Variants in SMPX observed in about 807,000 individuals in gnomAD.
The protein encoded by SMPX is small muscular protein.
SMPX carries 2 observed loss-of-function variants against 6.3 expected under a neutral mutation model. That is an observed-to-expected ratio of 0.32 (90% CI 0.13 to 0.99). SMPX has a LOEUF of 0.99. Ranked by LOEUF, SMPX falls within the 50% of genes least tolerant of loss-of-function variation. The pLI is 0.49. For missense variants in SMPX, 60 were observed against 66.8 expected (o/e 0.90, Z 0.36); for synonymous variants, 32 against 24.7 (o/e 1.30, Z -0.88).
chrX:21,743,684 C>A, intron 3 of SMPX, 66 bp downstream of exon 3: 2 of 957,950 alleles, frequency 2.1e-6, no homozygotes, highest in Non-Finnish European at 1.5e-6. Context: ...CTAGCCTCTG[C>A]CCCCTCTGGT....
chrX:21,718,901 A>G (rs1321229811), intron 4 of SMPX, among the ~76,000 whole-genome samples: 2 of 112,212 alleles, frequency 1.8e-5, no homozygotes, highest in East Asian at 5.6e-4. Flanking sequence ...GCGAATATAC[A>G]AGAGGTTGCT....
chrX:21,743,668 C>A, intron 3 of SMPX, 82 bp downstream of exon 3: 1 of 803,860 alleles, frequency 1.2e-6, no homozygotes. Flanking sequence ...GATAGCCAGC[C>A]CTTGCCTAGC....
intron 4 of SMPX, among the ~76,000 whole-genome samples, chrX:21,712,299 G>A (rs2092779653): frequency 8.9e-6 from 1 of 111,884 alleles, no homozygotes; most frequent in African/African-American, 3.3e-5. Flanking sequence ...ATATAAAAAC[G>A]GAAGAAGAGG....
intron 4 of SMPX, among the ~76,000 whole-genome samples, chrX:21,707,927 A>G (rs1293061598): frequency 8.9e-6 from 1 of 112,520 alleles, no homozygotes; most frequent in African/African-American, 3.2e-5. Flanking sequence ...GCCAAAACAC[A>G]TGAGTTAGAA....
At chrX:21,710,208 T>A (rs1035082144) in intron 4 of SMPX, among the ~76,000 whole-genome samples, 1 of 112,201 alleles carries the variant, frequency 8.9e-6, no homozygotes, top group Non-Finnish European at 1.9e-5. Flanking sequence ...ATATACCCCA[T>A]GAAATACTAC....
chrX:21,757,259 G>A (rs1259405794), intron 1 of SMPX, among the ~76,000 whole-genome samples: 1 of 111,658 alleles, frequency 9.0e-6, no homozygotes, highest in Non-Finnish European at 1.9e-5. Flanking sequence ...ATGTTCAGCT[G>A]TCTGAACTGA....
chrX:21,755,756 T>C (rs1025590117), intron 1 of SMPX, among the ~76,000 whole-genome samples: 4 of 112,375 alleles, frequency 3.6e-5, no homozygotes, highest in African/African-American at 9.7e-5. Context: ...AAATATATAG[T>C]TTTTGGAGCC....
chrX:21,727,385 T>C (rs1016180687), intron 4 of SMPX: 5 of 112,045 alleles, frequency 4.5e-5, no homozygotes, highest in African/African-American at 9.7e-5. Flanking sequence ...ATTCTTATCA[T>C]CTGTATCCAA....
chrX:21,743,925 C>A lies in SMPX; in HGVS notation c.46-89G>T, dbSNP rs113604109. On this transcript the variant is annotated intron_variant, in intron 2 of 4. Transcript: ENST00000379494. ...ACAGTAATCGTTGTGAAGAAAAATG[C>A]GTCTGAAAAGTACATCTTCAAAGCT... The A allele has an allele frequency of 4.6e-5, 32 of 697,267 alleles. No homozygotes were observed. The Middle Eastern group carries it at 9.0e-4, about 20-fold the overall frequency. The allele number at this position is 697,267 out of a possible 1,213,427, so 57.5% of individuals were successfully genotyped here.
chrX:21,746,138 C>T (rs2092821150), intron 2 of SMPX, among the ~76,000 whole-genome samples: 1 of 111,761 alleles, frequency 8.9e-6, no homozygotes, highest in Non-Finnish European at 1.9e-5. Context: ...GTTTTCAAAC[C>T]TCTTAACCAG....
chrX:21,722,676 A>T (rs1188762409), intron 4 of SMPX, among the ~76,000 whole-genome samples: 1 of 111,361 alleles, frequency 9.0e-6, no homozygotes, highest in Admixed American at 9.5e-5. Flanking sequence ...ATTGTCCCTC[A>T]TAATTTACCC....
intron 3 of SMPX, 71 bp from the exon 4 acceptor site, chrX:21,737,768 C>A: frequency 9.4e-7 from 1 of 1,058,466 alleles, no homozygotes; most frequent in Non-Finnish European, 1.3e-6. Flanking sequence ...TAAGCATGAA[C>A]CAGAAAAAAA....
At chrX:21,746,799 C>T (rs183942003) in intron 2 of SMPX, among the ~76,000 whole-genome samples, 166 of 110,216 alleles carry the variant, frequency 1.5e-3, no homozygotes, top group African/African-American at 5.3e-3. Context: ...ATTAACAAGA[C>T]GATTAGAGAT....
At chrX:21,720,051 G>A (rs769118078) in intron 4 of SMPX, among the ~76,000 whole-genome samples, 2 of 111,980 alleles carry the variant, frequency 1.8e-5, no homozygotes, top group Non-Finnish European at 3.8e-5. Flanking sequence ...GCTATGGTAG[G>A]CAGCCTTCAA....
At chrX:21,723,516 G>A (rs2092793866) in intron 4 of SMPX, among the ~76,000 whole-genome samples, 1 of 112,131 alleles carries the variant, frequency 8.9e-6, no homozygotes, top group African/African-American at 3.2e-5. Context: ...GATCTCTGTA[G>A]GTTGGAAGTG....
intron 4 of SMPX, among the ~76,000 whole-genome samples, chrX:21,717,744 C>T (rs1049796534): frequency 8.9e-6 from 1 of 112,292 alleles, no homozygotes; most frequent in Non-Finnish European, 1.9e-5. Flanking sequence ...GGGACAAACA[C>T]AGGAAGCCAT....
chrX:21,744,474 A>G (rs1326812872), intron 2 of SMPX, among the ~76,000 whole-genome samples: 1 of 112,219 alleles, frequency 8.9e-6, no homozygotes, highest in African/African-American at 3.2e-5. Context: ...TGATGATAAA[A>G]TACTAATCTC....
intron 4 of SMPX, among the ~76,000 whole-genome samples, chrX:21,714,510 T>C (rs2092782139): frequency 8.9e-6 from 1 of 111,992 alleles, no homozygotes; most frequent in South Asian, 3.7e-4. Flanking sequence ...GTGAACATTT[T>C]CTTTAGAATG....
At chrX:21,755,080 C>T (rs190977201) in intron 1 of SMPX, among the ~76,000 whole-genome samples, 134 of 112,562 alleles carry the variant, frequency 1.2e-3, no homozygotes, top group African/African-American at 4.0e-3. Flanking sequence ...GCATGTGAGA[C>T]CTGACTTAGA....
Sources: gnomAD v4.1 joint callset for allele counts (sites outside exome capture counted in the v4.1 genomes callset) on GRCh38, gnomAD v4.1.1 for gene constraint, MANE v1.5 for transcripts, NCBI Gene and HGNC (gene_info 2026-07-23, HGNC 2026-07-21) for gene names.